TRAPPC10: variants seen among roughly 807,000 people sequenced by gnomAD.
TRAPPC10 encodes TRAPP 130 kDa subunit.
A neutral mutation model predicts 125.5 loss-of-function variants in TRAPPC10; 23 were observed. The ratio of observed to expected loss-of-function variants is 0.18; its 90% CI spans 0.13 to 0.26. The LOEUF is 0.26. TRAPPC10 is among the 10% of genes least tolerant of loss of function. The pLI is 1.00. For synonymous variants in TRAPPC10, 509 were observed against 518.0 expected, an observed-to-expected ratio of 0.98 and a Z score of 0.24; for missense variants, 1,123 against 1,308.4, an observed-to-expected ratio of 0.86 and a Z score of 2.19.
At chr21:44,049,731 C>T (rs2035107220) in intron 3 of TRAPPC10, among the ~76,000 whole-genome samples, 1 of 152,196 alleles carries the variant, frequency 6.6e-6, no homozygotes, top group Admixed American at 6.5e-5. Flanking sequence ...TGTGCTTGCC[C>T]ACCTTGGGCC....
intron 15 of TRAPPC10, 69 bp from the exon 16 acceptor site, chr21:44,086,733 C>T: frequency 6.5e-7 from 1 of 1,545,040 alleles, no homozygotes; most frequent in East Asian, 2.3e-5. Context: ...CCCTTTCACC[C>T]CATTGCGGGC....
intron 1 of TRAPPC10, among the ~76,000 whole-genome samples, chr21:44,023,343 C>A (rs2032743348): frequency 2.0e-5 from 3 of 151,982 alleles, no homozygotes; most frequent in Non-Finnish European, 2.9e-5. Context: ...CCTATGTAAC[C>A]ATTTTCAAAG....
At chr21:44,037,996 A>C in intron 3 of TRAPPC10, 69 bp downstream of exon 3, 1 of 1,567,286 alleles carries the variant, frequency 6.4e-7, no homozygotes. Flanking sequence ...GTGCTGTGTG[A>C]GTACCAGTGG....
At chr21:44,085,708 T>TAA (rs11417649) in intron 15 of TRAPPC10, among the ~76,000 whole-genome samples, 63 of 145,704 alleles carry the variant, frequency 4.3e-4, no homozygotes, top group African/African-American at 1.2e-3. Context: ...CTCCATCTCT[T>TAA]AAAAAAAAAA....
intron 4 of TRAPPC10, 51 bp from the exon 5 acceptor site, chr21:44,055,644 CGTG>C (rs1200925758): frequency 7.2e-7 from 1 of 1,392,614 alleles, no homozygotes; most frequent in East Asian, 2.3e-5. Context: ...GCTGCTGAGT[CGTG>C]GTGCTGTGCA....
At chr21:44,016,804 G>A (rs1156751460) in intron 1 of TRAPPC10, among the ~76,000 whole-genome samples, 6 of 152,064 alleles carry the variant, frequency 3.9e-5, no homozygotes, top group East Asian at 1.9e-4. Flanking sequence ...GACTACAGGC[G>A]CCCGCCACCA....
At chr21:44,027,152 T>C (rs2033146799) in intron 1 of TRAPPC10, among the ~76,000 whole-genome samples, 1 of 152,210 alleles carries the variant, frequency 6.6e-6, no homozygotes, top group Admixed American at 6.5e-5. Context: ...TGTATCAGAG[T>C]ATCAGCAAAT....
At chr21:44,076,109 T>C (rs2037262300) in intron 9 of TRAPPC10, among the ~76,000 whole-genome samples, 1 of 152,144 alleles carries the variant, frequency 6.6e-6, no homozygotes. Flanking sequence ...ACTCATTGTT[T>C]TACGTAGGAA....
chr21:44,042,440 ATTTTG>A (rs2034490947), intron 3 of TRAPPC10, among the ~76,000 whole-genome samples: 1 of 152,218 alleles, frequency 6.6e-6, no homozygotes, highest in Non-Finnish European at 1.5e-5. Context: ...GATTAAAAAA[ATTTTG>A]TTTAGAAATT....
rs2036179724 is a variant in TRAPPC10, at chr21:44,063,120, G to T, written c.791-418G>T. 3 of 1,304,550 alleles carry T rather than the reference G, an allele frequency of 2.3e-6. No homozygotes were observed. The highest frequency in any genetic ancestry group is 2.0e-6 in the Non-Finnish European group (2 of 990,404). 80.8% of individuals were successfully genotyped at this position (1,304,550 alleles called of 1,614,324 possible). ...AGGAAGGAATATGTAATCTAAGGAAGACCAAAAAACACCAGGATGGTCAGA... is the reference window on the plus strand; with the variant it reads ...AGGAAGGAATATGTAATCTAAGGAATACCAAAAAACACCAGGATGGTCAGA... On this transcript the variant is annotated intron_variant, in intron 6 of 22. Coordinates refer to ENST00000291574, the MANE Select transcript of TRAPPC10 (RefSeq NM_003274.5). This position sits in a 1 kb window ranked among gnomAD's most constrained non-coding sequence, Gnocchi z 4.4.
chr21:44,030,312 ATTTAGTTGGCTTACT>A (rs569048217), intron 1 of TRAPPC10, among the ~76,000 whole-genome samples: 20 of 152,286 alleles, frequency 1.3e-4, no homozygotes, highest in African/African-American at 4.8e-4. Flanking sequence ...AAGCGATTCC[ATTTAGTTGGCTTACT>A]TTCCACTTAG....
chr21:44,029,906 G>A (rs975926721), intron 1 of TRAPPC10, among the ~76,000 whole-genome samples: 2 of 152,208 alleles, frequency 1.3e-5, no homozygotes, highest in Admixed American at 1.3e-4. Context: ...AGGTTTTTGT[G>A]GGACACAGTT....
At chr21:44,080,190 T>C in intron 13 of TRAPPC10, 63 bp downstream of exon 13, 2 of 1,364,318 alleles carry the variant, frequency 1.5e-6, no homozygotes, top group Non-Finnish European at 2.1e-6. Context: ...TAAAAAAGAA[T>C]ACAAGATATA....
In TRAPPC10 at chr21:44,087,980, T is replaced by C. The variant is rs760875522; in HGVS notation, c.2769+52T>C. 53 of 1,509,686 alleles carry C rather than the reference T, an allele frequency of 3.5e-5. No homozygotes were observed. The highest frequency in any genetic ancestry group is 1.1e-4 in the Admixed American group (6 of 52,570). 93.5% of individuals were successfully genotyped at this position (1,509,686 alleles called of 1,614,324 possible). A position where few individuals can be genotyped will look rare whatever the true frequency, so the allele number is the denominator to read the frequency against. On this transcript the variant is annotated intron_variant, in intron 17 of 22. Transcript: ENST00000291574. This position sits in a 1 kb window ranked among gnomAD's most constrained non-coding sequence, Gnocchi z 4.6. Reference sequence around the variant, plus strand: ...GCTTGTGGGGCGTCCGCCGCCCGCCTGCCTGCTGGGAAAGGCGATGTAGCG... The same window carrying C: ...GCTTGTGGGGCGTCCGCCGCCCGCCCGCCTGCTGGGAAAGGCGATGTAGCG...
chr21:44,032,158 A>G lies in TRAPPC10; in HGVS notation c.135A>G (p.Pro45=). ...PTLSQQLPRE[P]MEWRRSYGRA... ...TCTCTCAGCAGCTTCCAAGAGAACC[A>G]ATGGAATGGAGAAGGTATGAGTTGT... The change falls in exon 2 of 23, where the codon CCA becomes CCG. Residue 45 remains proline, a synonymous_variant. Transcript: ENST00000291574. The G allele has an allele frequency of 6.2e-7, 1 of 1,613,870 alleles. No homozygotes were observed. The highest frequency in any genetic ancestry group is 8.5e-7 in the Non-Finnish European group (1 of 1,179,878).
chr21:44,067,946 C>G (rs984273713), intron 7 of TRAPPC10, among the ~76,000 whole-genome samples: 1 of 151,976 alleles, frequency 6.6e-6, no homozygotes, highest in Non-Finnish European at 1.5e-5. Context: ...ATGGTGAAAC[C>G]CTGTCTCTAC....
intron 3 of TRAPPC10, among the ~76,000 whole-genome samples, chr21:44,047,532 A>ATGTGTGTG (rs33940679): frequency 0.031 from 4,389 of 142,806 alleles, 69 homozygotes; most frequent in Middle Eastern, 0.05. Context: ...CTGGGGGAGT[A>ATGTGTGTG]TGTGTGTGTG....
chr21:44,090,871 C>T (rs2038527665), intron 18 of TRAPPC10, among the ~76,000 whole-genome samples: 2 of 152,182 alleles, frequency 1.3e-5, no homozygotes, highest in African/African-American at 2.4e-5. Context: ...TTAAAAACAT[C>T]AATAATCTCT....
intron 2 of TRAPPC10, among the ~76,000 whole-genome samples, chr21:44,036,207 A>AG (rs2145714599): frequency 6.6e-6 from 1 of 152,376 alleles, no homozygotes; most frequent in South Asian, 2.1e-4. Flanking sequence ...GGAATCAGAG[A>AG]GAAACAGAAG....
Sources: allele counts gnomAD v4.1 joint callset (sites outside exome capture counted in the v4.1 genomes callset), GRCh38; gene constraint gnomAD v4.1.1; non-coding constraint Gnocchi (gnomAD v3.1); transcripts MANE v1.5; gene names NCBI Gene and HGNC (gene_info 2026-07-23, HGNC 2026-07-21).